OGFR: variants seen among roughly 807,000 people sequenced by gnomAD.
The protein encoded by OGFR is protein 7-60.
A neutral mutation model predicts 33.6 loss-of-function variants in OGFR; 18 were observed. That is an observed-to-expected ratio of 0.54 (90% CI 0.37 to 0.80). The LOEUF (loss-of-function observed/expected upper bound fraction) is 0.80, where lower values mean the gene tolerates loss of function less well. Among genes scored for constraint, OGFR ranks in the 30% least tolerant of loss-of-function variants. The pLI is 0.00. For missense variants in OGFR, 877 were observed against 955.8 expected (o/e 0.92, Z 1.09); for synonymous variants, 370 against 400.7 (o/e 0.92, Z 0.91).
Position 62,813,762 on chromosome 20 carries a change from AC to A in OGFR, c.*116del. The stretch of plus-strand genomic sequence containing the variant: ...TCTGCTTCGTGACCCGTGACCCATG[AC>A]CCACAGTGCTGGCCTCCTGTGGGGC... On this transcript the variant is annotated 3_prime_UTR_variant, in exon 7 of 7. Coordinates refer to ENST00000290291, the MANE Select transcript of OGFR (RefSeq NM_007346.4). 1 of 1,305,344 alleles carries A rather than the reference AC, an allele frequency of 7.7e-7. No homozygotes were observed. 80.9% of individuals were successfully genotyped at this position (1,305,344 alleles called of 1,614,324 possible). A position where few individuals can be genotyped will look rare whatever the true frequency, so the allele number is the denominator to read the frequency against.
chr20:62,811,257 G>A (rs903578757), intron 5 of OGFR, among the ~76,000 whole-genome samples: 2 of 152,074 alleles, frequency 1.3e-5, no homozygotes, highest in Non-Finnish European at 2.9e-5. Context: ...CCAGCTACTC[G>A]GGAGGCAGAG....
In OGFR at chr20:62,804,904, GGA is replaced by G; in HGVS notation, c.46_47del (p.Asp16CysfsTer58). 6.7e-7 allele frequency: 1 copy of G among 1,495,762 alleles called. No homozygotes were observed. The highest frequency in any genetic ancestry group is 1.3e-5 in the South Asian group (1 of 79,236). The allele number at this position is 1,495,762 out of a possible 1,614,324, so 92.7% of individuals were successfully genotyped here. A position where few individuals can be genotyped will look rare whatever the true frequency, so the allele number is the denominator to read the frequency against. ...CDSTWEEDEEDAEDAEDEDCE... is the reference protein window; with the variant it reads ...CDSTWEEDEEXAEDAEDEDCE... The stretch of plus-strand genomic sequence containing the variant: ...ACTCCACCTGGGAGGAGGACGAGGA[GGA>G]TGCGGAGGACGCGGAGGACGAGGAC... On this transcript the variant is annotated frameshift_variant, in exon 1 of 7. Coordinates refer to ENST00000290291, the MANE Select transcript of OGFR (RefSeq NM_007346.4). LOFTEE classifies it high-confidence loss of function.
chr20:62,811,757 G>A, intron 6 of OGFR, 147 bp downstream of exon 6: 6 of 907,162 alleles, frequency 6.6e-6, no homozygotes, highest in Non-Finnish European at 9.7e-6. Context: ...CCTCCTTGCT[G>A]CCTGTAGAGC....
At chr20:62,810,065 T>C (rs1990688916) in intron 4 of OGFR, among the ~76,000 whole-genome samples, 1 of 145,170 alleles carries the variant, frequency 6.9e-6, no homozygotes, top group African/African-American at 2.6e-5. Context: ...GGCAGGCGTC[T>C]TGGGGACCCA....
At chr20:62,809,344 C>T (rs2147184209) in intron 3 of OGFR, among the ~76,000 whole-genome samples, 1 of 152,354 alleles carries the variant, frequency 6.6e-6, no homozygotes, top group South Asian at 2.1e-4. Flanking sequence ...GTGGGGTTTG[C>T]CGCCAGCCAG....
In OGFR at chr20:62,804,936, A is replaced by G. The variant is rs905550726; in HGVS notation, c.77A>G (p.Glu26Gly). 6.7e-7 allele frequency: 1 copy of G among 1,494,272 alleles called. No homozygotes were observed. The highest frequency in any genetic ancestry group is 8.9e-7 in the Non-Finnish European group (1 of 1,121,978). The allele number at this position is 1,494,272 out of a possible 1,614,324, so 92.6% of individuals were successfully genotyped here. The change falls in exon 1 of 7, where the codon GAG (glutamate) becomes GGG (glycine). Residue 26 changes from glutamate to glycine, a missense_variant. By Grantham distance (98) the Glu-to-Gly change is moderately conservative (BLOSUM62 -2). Around this residue, in one of 3 missense-constraint regions of OGFR, gnomAD observed 760 missense variants for 736.0 expected, o/e 1.03. Coordinates refer to ENST00000290291, the MANE Select transcript of OGFR (RefSeq NM_007346.4). ...DAEDAEDEDC[E>G]DGEAAGARDA... ...GAGGACGCGGAGGACGAGGACTGCGAGGACGGCGAGGCCGCCGGCGCGAGG... is the reference window on the plus strand; with the variant it reads ...GAGGACGCGGAGGACGAGGACTGCGGGGACGGCGAGGCCGCCGGCGCGAGG...
Position 62,812,460 on chromosome 20 carries a change from G to A in OGFR, c.845G>A (p.Cys282Tyr). ...GCCTGGGAGCACTTCCGGCCCCGCT[G>A]CAAGTTCGTCTGGGGGCCCCAAGAC... ...HFAWEHFRPR[C>Y]KFVWGPQDKL... The change falls in exon 7 of 7, where the codon TGC becomes TAC. Residue 282 changes from cysteine to tyrosine, a missense_variant. Coordinates refer to ENST00000290291, the MANE Select transcript of OGFR (RefSeq NM_007346.4). 6.3e-7 allele frequency: 1 copy of A among 1,580,322 alleles called. No homozygotes were observed. Among genetic ancestry groups the A allele is most frequent in the Non-Finnish European group, 8.6e-7 (1 of 1,163,602 alleles).
At chr20:62,806,399 C>T (rs893055887) in intron 1 of OGFR, 1 of 152,198 alleles carries the variant, frequency 6.6e-6, no homozygotes, top group Non-Finnish European at 1.5e-5. Flanking sequence ...CAACATTAGC[C>T]AGGCGTGATG....
chr20:62,808,763 T>C (rs1990654259), intron 3 of OGFR, among the ~76,000 whole-genome samples: 1 of 152,042 alleles, frequency 6.6e-6, no homozygotes, highest in African/African-American at 2.4e-5. Flanking sequence ...CACAAAGTCA[T>C]GAGTTCGAGA....
In OGFR at chr20:62,813,701, T is replaced by A; in HGVS notation, c.*52T>A. On this transcript the variant is annotated 3_prime_UTR_variant, in exon 7 of 7. Coordinates refer to ENST00000290291, the MANE Select transcript of OGFR (RefSeq NM_007346.4). Reference sequence around the variant, plus strand: ...GTCCTCCTGTCCCTGCTGCAGGGGCTGGGGCCTCCGGAGCTGCTGCGGGCT... The same window carrying A: ...GTCCTCCTGTCCCTGCTGCAGGGGCAGGGGCCTCCGGAGCTGCTGCGGGCT... The A allele has an allele frequency of 1.3e-6, 2 of 1,586,154 alleles. No homozygotes were observed. Among genetic ancestry groups the A allele is most frequent in the Non-Finnish European group, 1.7e-6 (2 of 1,157,456 alleles).
intron 1 of OGFR, chr20:62,807,200 C>T: frequency 2.7e-6 from 1 of 371,948 alleles, no homozygotes; most frequent in Non-Finnish European, 5.0e-6. Flanking sequence ...GGGTCAGGGC[C>T]ACACCCCAGG....
At chr20:62,811,874 T>C (rs1600776558) in intron 6 of OGFR, among the ~76,000 whole-genome samples, 1 of 152,310 alleles carries the variant, frequency 6.6e-6, no homozygotes, top group East Asian at 1.9e-4. Context: ...ATGGAGAACC[T>C]GCAGGCGGTA....
At chr20:62,809,699 G>A (rs780991084) in intron 4 of OGFR, 36 bp downstream of exon 4, 14 of 1,407,556 alleles carry the variant, frequency 9.9e-6, no homozygotes, top group Admixed American at 5.1e-5. Flanking sequence ...GGGGGTTGGC[G>A]AGGCCACAGG....
In OGFR at chr20:62,813,012, G is replaced by A; in HGVS notation, c.1397G>A (p.Gly466Glu). 1.2e-6 allele frequency: 2 copies of A among 1,608,860 alleles called. No homozygotes were observed. Among genetic ancestry groups the A allele is most frequent in the Non-Finnish European group, 1.7e-6 (2 of 1,178,114 alleles). The change falls in exon 7 of 7, where the codon GGG (glycine) becomes GAG (glutamate). Residue 466 changes from glycine to glutamate, a missense_variant. By Grantham distance (98) the Gly-to-Glu change is moderately conservative. Coordinates refer to ENST00000290291, the MANE Select transcript of OGFR (RefSeq NM_007346.4). ...RKRRKVDEGAGDSAAVASGGA... is the reference protein window; with the variant it reads ...RKRRKVDEGAEDSAAVASGGA... The stretch of plus-strand genomic sequence containing the variant: ...CGGAGGAAGGTGGATGAGGGTGCTG[G>A]GGACAGTGCTGCGGTGGCCAGTGGT...
At position 62,812,639 on chromosome 20, in the gene OGFR, GAC is replaced by G. The variant is rs1437568096; in HGVS notation, c.1025_1026del (p.Asp342GlyfsTer23). On this transcript the variant is annotated frameshift_variant, in exon 7 of 7. Coordinates refer to ENST00000290291, the MANE Select transcript of OGFR (RefSeq NM_007346.4). LOFTEE classifies it low-confidence loss of function (END_TRUNC). The part of the protein sequence containing the change: ...PEHSKGGGRV[D>X]EGPQPRSVEP... Reference sequence around the variant, plus strand: ...GCATAGCAAGGGTGGGGGCAGGGTGGACGAGGGGCCCCAGCCACGGAGCGTGG... The same window carrying G: ...GCATAGCAAGGGTGGGGGCAGGGTGGGAGGGGCCCCAGCCACGGAGCGTGG... 6.4e-7 allele frequency: 1 copy of G among 1,560,056 alleles called. No individual in the cohort carries two copies. The highest frequency in any genetic ancestry group is 8.7e-7 in the Non-Finnish European group (1 of 1,153,304).
intron 4 of OGFR, among the ~76,000 whole-genome samples, chr20:62,809,865 C>G (rs1360742338): frequency 1.3e-5 from 2 of 152,240 alleles, no homozygotes; most frequent in African/African-American, 2.4e-5. Context: ...TGTCCCCAAT[C>G]TGTGGGCTCT....
chr20:62,811,663 G>A (rs1178665296), intron 6 of OGFR, 53 bp downstream of exon 6: 26 of 1,277,216 alleles, frequency 2.0e-5, no homozygotes, highest in South Asian at 5.5e-5. Context: ...ACAGGGCCAC[G>A]TCAGGTTTCG....
intron 1 of OGFR, chr20:62,806,762 GC>G (rs1990602282): frequency 6.6e-6 from 1 of 152,436 alleles, no homozygotes; most frequent in South Asian, 2.1e-4. Context: ...GTGAGGCTCA[GC>G]CCCAGGCCCC....
In OGFR at chr20:62,813,023, G is replaced by A. The variant is rs764750231; in HGVS notation, c.1408G>A (p.Ala470Thr). The A allele has an allele frequency of 3.1e-6, 5 of 1,604,384 alleles. No individual in the cohort carries two copies. The highest frequency in any genetic ancestry group is 1.7e-4 in the Middle Eastern group (1 of 5,902). The change falls in exon 7 of 7, where the codon GCG becomes ACG. Residue 470 changes from alanine (A) to threonine (T), a missense_variant. Transcript: ENST00000290291. ...GGATGAGGGTGCTGGGGACAGTGCT[G>A]CGGTGGCCAGTGGTGGTGCCCAGAC... ...KVDEGAGDSA[A>T]VASGGAQTLA...
Sources: gnomAD v4.1 joint callset for allele counts (sites outside exome capture counted in the v4.1 genomes callset) on GRCh38, gnomAD v4.1.1 for gene constraint, gnomAD v4.1.1 regional missense constraint, MANE v1.5 for transcripts, NCBI Gene and HGNC (gene_info 2026-07-23, HGNC 2026-07-21) for gene names.